CDKL5: variants seen among roughly 807,000 people sequenced by gnomAD.
CDKL5 encodes cyclin dependent kinase like 5, also known as cyclin-dependent kinase-like 5.
Under a neutral mutation model 61.7 loss-of-function variants are expected in CDKL5, and 8 were observed. The observed-to-expected ratio is 0.13, with a 90% CI of 0.08 to 0.23. The LOEUF (loss-of-function observed/expected upper bound fraction) is 0.23. Among genes scored for constraint, CDKL5 ranks in the 10% least tolerant of loss-of-function variants. The probability of loss-of-function intolerance (pLI) is 1.00; values close to 1 mark genes in which losing one functional copy is unlikely to be tolerated. For synonymous variants in CDKL5, 275 were observed against 272.3 expected (o/e 1.01, Z -0.10); for missense variants, 440 against 734.5 (o/e 0.60, Z 4.63).
exon 22 of CDKL5, chrX:18,653,540 A>T: frequency 8.3e-7 from 1 of 1,211,803 alleles, no homozygotes; most frequent in Non-Finnish European, 1.1e-6. Flanking sequence ...CTGACGGGCA[A>T]GTGACTTCTG....
intron 3 of CDKL5, among the ~76,000 whole-genome samples, chrX:18,556,814 C>T (rs890628455): frequency 3.4e-5 from 3 of 87,031 alleles, no homozygotes; most frequent in African/African-American, 9.1e-5. Context: ...ATCTGGGAGG[C>T]GGAGGTTGAA....
At chrX:18,497,498 A>G (rs1373617331) in intron 1 of CDKL5, 1 of 111,828 alleles carries the variant, frequency 8.9e-6, no homozygotes, top group Non-Finnish European at 1.9e-5. Flanking sequence ...GAGAACAGTT[A>G]AACTTTCTTG....
At position 18,646,154 on chromosome X, in the gene CDKL5, T is replaced by C; in HGVS notation, c.2797+64T>C. 4 of 1,200,791 alleles carry C rather than the reference T, an allele frequency of 3.3e-6. No individual in the cohort carries two copies. In the South Asian group the frequency reaches 7.1e-5, roughly 21 times the overall value. On this transcript the variant is annotated intron_variant, in intron 20 of 21. Transcript: ENST00000379989. ...CGACCCTAGACTACTGAATGAAACT[T>C]TTTTTTTTCCTTTCTGAGACAGAGT...
At chrX:18,442,643 G>A (rs1163418050) in intron 1 of CDKL5, among the ~76,000 whole-genome samples, 2 of 110,830 alleles carry the variant, frequency 1.8e-5, no homozygotes, top group Non-Finnish European at 3.8e-5. Context: ...ACAGGTGCCC[G>A]CCTCCACGCC....
At chrX:18,574,616 G>T (rs918798713) in intron 4 of CDKL5, among the ~76,000 whole-genome samples, 3 of 111,799 alleles carry the variant, frequency 2.7e-5, no homozygotes, top group African/African-American at 9.8e-5. Flanking sequence ...CATGAATGAA[G>T]TTGATGGTAT....
At chrX:18,651,264 T>TGTGTGTGTGTGTGAGAGAGA (rs1491242962) in intron 21 of CDKL5, among the ~76,000 whole-genome samples, 5 of 69,008 alleles carry the variant, frequency 7.2e-5, no homozygotes, top group African/African-American at 3.1e-4. Context: ...TGTGTGTGTG[T>TGTGTGTGTGTGTGAGAGAGA]GAGAGAGAGA....
At chrX:18,444,523 C>T in intron 1 of CDKL5, among the ~76,000 whole-genome samples, 1 of 111,016 alleles carries the variant, frequency 9.0e-6, no homozygotes, top group Non-Finnish European at 1.9e-5. Context: ...GCTGTGTTGC[C>T]CAGGTTGGTG....
At chrX:18,441,603 C>A (rs1180950592) in intron 1 of CDKL5, among the ~76,000 whole-genome samples, 2 of 111,248 alleles carry the variant, frequency 1.8e-5, no homozygotes, top group African/African-American at 3.3e-5. Context: ...TTCCTTTTCA[C>A]TGTTACATTG....
chrX:18,430,859 T>G (rs975800996), intron 1 of CDKL5, among the ~76,000 whole-genome samples: 6 of 108,175 alleles, frequency 5.5e-5, no homozygotes, highest in African/African-American at 2.0e-4. Flanking sequence ...CATTTTTAAT[T>G]TTTTTTTTCT....
chrX:18,553,553 C>T (rs1425337618), intron 3 of CDKL5, among the ~76,000 whole-genome samples: 2 of 108,697 alleles, frequency 1.8e-5, no homozygotes, highest in African/African-American at 3.4e-5. Context: ...AGTGCAGTGG[C>T]GTGATCTTGG....
At chrX:18,459,454 C>G (rs983125320) in intron 1 of CDKL5, among the ~76,000 whole-genome samples, 2 of 108,582 alleles carry the variant, frequency 1.8e-5, no homozygotes, top group Non-Finnish European at 3.8e-5. Flanking sequence ...CCCAGCTACT[C>G]GGGAGGCTGA....
chrX:18,606,174 TCACACACACACACACACACA>T (rs528800542), intron 12 of CDKL5, among the ~76,000 whole-genome samples: 1 of 96,873 alleles, frequency 1.0e-5, no homozygotes, highest in Non-Finnish European at 2.1e-5. Context: ...AGCAAGACTG[TCACACACACACACACACACA>T]CACACACACA....
chrX:18,436,242 G>C (rs1473676858), intron 1 of CDKL5, among the ~76,000 whole-genome samples: 1 of 111,204 alleles, frequency 9.0e-6, no homozygotes, highest in African/African-American at 3.3e-5. Flanking sequence ...GAGGAAGAGG[G>C]AGGGGTTGTC....
intron 16 of CDKL5, among the ~76,000 whole-genome samples, chrX:18,620,716 C>G (rs1278953590): frequency 2.7e-5 from 3 of 111,323 alleles, no homozygotes; most frequent in African/African-American, 9.8e-5. Context: ...ATGACAACTT[C>G]AAGGCTAAAC....
chrX:18,631,080 C>T lies in CDKL5; in HGVS notation c.*2323C>T, dbSNP rs1452904865. The stretch of plus-strand genomic sequence containing the variant: ...ATGCTGTGGCATTCGAGGCTCGTCA[C>T]CTAGGGGCTGGTTTCCCATGTTGTC... On this transcript the variant is annotated 3_prime_UTR_variant, in exon 18 of 18. Coordinates refer to ENST00000623535, the MANE Select transcript of CDKL5 (RefSeq NM_001323289.2). 1.3e-6 allele frequency: 1 copy of T among 749,867 alleles called. No homozygotes were observed. The highest frequency in any genetic ancestry group is 1.6e-6 in the Non-Finnish European group (1 of 638,485). 61.8% of individuals were successfully genotyped at this position (749,867 alleles called of 1,213,427 possible). A position where few individuals can be genotyped will look rare whatever the true frequency, so the allele number is the denominator to read the frequency against.
intron 6 of CDKL5, 64 bp downstream of exon 6, chrX:18,580,032 A>G (rs1421643388): frequency 1.1e-6 from 1 of 934,659 alleles, no homozygotes; most frequent in African/African-American, 1.9e-5. Context: ...AGTATTTCAC[A>G]TGTTACTGTC....
At chrX:18,574,859 A>G (rs1925243900) in intron 4 of CDKL5, among the ~76,000 whole-genome samples, 1 of 112,206 alleles carries the variant, frequency 8.9e-6, no homozygotes, top group South Asian at 3.7e-4. Flanking sequence ...GAGGAATAAA[A>G]TGTTTTTTTA....
Position 18,631,437 on chromosome X carries a change from A to T in CDKL5, c.*2680A>T, listed in dbSNP as rs776407036. On this transcript the variant is annotated 3_prime_UTR_variant, in exon 18 of 18. Transcript: ENST00000623535. The stretch of plus-strand genomic sequence containing the variant: ...TCCTGCTCACGGAGGGGGATGCAAA[A>T]GTTTTCTCTCACACCTAATGGGCCC... The T allele has an allele frequency of 3.0e-4, 225 of 752,391 alleles. No homozygotes were observed. Among genetic ancestry groups the T allele is most frequent in the Non-Finnish European group, 3.3e-4 (214 of 638,864 alleles). 62.0% of individuals were successfully genotyped at this position (752,391 alleles called of 1,213,427 possible).
At chrX:18,557,817 G>A (rs1164706833) in intron 3 of CDKL5, among the ~76,000 whole-genome samples, 1 of 111,963 alleles carries the variant, frequency 8.9e-6, no homozygotes, top group Non-Finnish European at 1.9e-5. Flanking sequence ...AGTCAGCAAC[G>A]CAAGTGAGTT....
Sources: gnomAD v4.1 joint callset for allele counts (sites outside exome capture counted in the v4.1 genomes callset) on GRCh38, gnomAD v4.1.1 for gene constraint, MANE v1.5 for transcripts, NCBI Gene and HGNC (gene_info 2026-07-23, HGNC 2026-07-21) for gene names.